Variants in NVL observed in about 807,000 individuals in gnomAD.
NVL encodes the protein nuclear valosin-containing protein-like.
Under a neutral mutation model 110.2 loss-of-function variants are expected in NVL, and 84 were observed. The ratio of observed to expected loss-of-function variants is 0.76; its 90% CI spans 0.64 to 0.91. The LOEUF (loss-of-function observed/expected upper bound fraction) is 0.91, where lower values mean the gene tolerates loss of function less well. Ranked by LOEUF, NVL falls within the 40% of genes least tolerant of loss-of-function variation. The pLI, the probability that NVL is intolerant of heterozygous loss-of-function variation, is 0.00. For synonymous variants in NVL, 354 were observed against 361.1 expected, an observed-to-expected ratio of 0.98 and a Z score of 0.22; for missense variants, 882 against 1,035.9, an observed-to-expected ratio of 0.85 and a Z score of 2.04.
chr1:224,242,487 CTTT>C (rs11385074), intron 19 of NVL, among the ~76,000 whole-genome samples: 1 of 128,314 alleles, frequency 7.8e-6, no homozygotes, highest in Non-Finnish European at 1.6e-5. Flanking sequence ...CAAATCTATT[CTTT>C]TTTTTTTTTT....
At chr1:224,285,414 G>A (rs893782024) in intron 15 of NVL, among the ~76,000 whole-genome samples, 6 of 152,054 alleles carry the variant, frequency 3.9e-5, no homozygotes, top group South Asian at 4.1e-4. Flanking sequence ...CAGCCTGGGC[G>A]ACAGAATGAG....
intron 16 of NVL, 86 bp from the exon 17 acceptor site, chr1:224,275,544 T>C: frequency 2.6e-6 from 4 of 1,534,166 alleles, no homozygotes; most frequent in Non-Finnish European, 3.6e-6. Context: ...TTATGTGACA[T>C]AAACTAGTTT....
At chr1:224,301,730 G>C (rs1668429261) in intron 9 of NVL, 1 of 312,044 alleles carries the variant, frequency 3.2e-6, no homozygotes, top group Non-Finnish European at 6.3e-6. Flanking sequence ...AGCCTGAGAA[G>C]TCAAAGCTGC....
intron 14 of NVL, among the ~76,000 whole-genome samples, chr1:224,286,469 G>A (rs908547428): frequency 1.3e-5 from 2 of 152,150 alleles, no homozygotes; most frequent in African/African-American, 2.4e-5. Context: ...GCCTCCCAAA[G>A]TGCTGGGATT....
chr1:224,254,572 G>GTTT (rs71168400), intron 18 of NVL, among the ~76,000 whole-genome samples: 2 of 134,238 alleles, frequency 1.5e-5, no homozygotes, highest in Non-Finnish European at 3.1e-5. Flanking sequence ...TGTTTTTTTT[G>GTTT]TTTTTTTTTT....
chr1:224,319,131 G>A (rs1173006817), intron 2 of NVL, among the ~76,000 whole-genome samples: 1 of 135,366 alleles, frequency 7.4e-6, no homozygotes. Flanking sequence ...CTCCAGCCTG[G>A]GGACAGAGCA....
intron 4 of NVL, among the ~76,000 whole-genome samples, chr1:224,313,578 C>T (rs545658025): frequency 5.6e-4 from 86 of 152,214 alleles, no homozygotes; most frequent in African/African-American, 2.0e-3. Context: ...ATGCAAAACC[C>T]TCTGACAACT....
chr1:224,278,610 G>A (rs1236819024), intron 16 of NVL, among the ~76,000 whole-genome samples: 4 of 152,008 alleles, frequency 2.6e-5, no homozygotes, highest in Non-Finnish European at 5.9e-5. Flanking sequence ...AAACAAATCA[G>A]ACCACAATGA....
chr1:224,285,364 G>C (rs1666760605), intron 15 of NVL, among the ~76,000 whole-genome samples: 1 of 152,200 alleles, frequency 6.6e-6, no homozygotes, highest in Non-Finnish European at 1.5e-5. Flanking sequence ...GAACTCGGGA[G>C]GCGGAAGTTG....
At chr1:224,261,952 C>T (rs539129276) in intron 18 of NVL, among the ~76,000 whole-genome samples, 1 of 151,940 alleles carries the variant, frequency 6.6e-6, no homozygotes, top group Non-Finnish European at 1.5e-5. Flanking sequence ...TAGAGTGAGA[C>T]CCTGTCTCAA....
chr1:224,254,554 G>A (rs571809362), intron 18 of NVL, among the ~76,000 whole-genome samples: 176 of 142,174 alleles, frequency 1.2e-3, no homozygotes, highest in African/African-American at 3.2e-3. Context: ...CACCATGCCC[G>A]GCTAATTTGT....
At chr1:224,279,808 T>C (rs1243927826) in intron 16 of NVL, among the ~76,000 whole-genome samples, 1 of 152,148 alleles carries the variant, frequency 6.6e-6, no homozygotes, top group Admixed American at 6.6e-5. Flanking sequence ...CAGTAAGCAC[T>C]AACATTTCCA....
At position 224,311,789 on chromosome 1, in the gene NVL, G is replaced by C. The variant is rs370555963; in HGVS notation, c.342+11C>G. On this transcript the variant is annotated intron_variant, in intron 5 of 22. Coordinates refer to ENST00000281701, the MANE Select transcript of NVL (RefSeq NM_002533.4). ...AAAAATCTAAGTGGACCCACTAAAT[G>C]TTTGGCTTACCTGTGGATCTGGGTA... 6.2e-7 allele frequency: 1 copy of C among 1,609,662 alleles called. No homozygotes were observed. The highest frequency in any genetic ancestry group is 8.5e-7 in the Non-Finnish European group (1 of 1,176,138).
chr1:224,316,006 C>A (rs978642956), intron 4 of NVL, among the ~76,000 whole-genome samples: 1 of 151,844 alleles, frequency 6.6e-6, no homozygotes, highest in Non-Finnish European at 1.5e-5. Flanking sequence ...ACCAGCCTGA[C>A]AACATAGTGA....
At chr1:224,327,255 C>T (rs2102811514) in intron 1 of NVL, among the ~76,000 whole-genome samples, 1 of 152,190 alleles carries the variant, frequency 6.6e-6, no homozygotes, top group South Asian at 2.1e-4. Context: ...CCAGCCTGGG[C>T]AAGGTGGTAA....
At chr1:224,307,632 G>C (rs527312495) in intron 6 of NVL, among the ~76,000 whole-genome samples, 2 of 141,294 alleles carry the variant, frequency 1.4e-5, no homozygotes, top group African/African-American at 5.2e-5. Context: ...CTGGAAGGCA[G>C]AGGTTGCAAT....
At chr1:224,252,348 C>A (rs1199660886) in intron 18 of NVL, among the ~76,000 whole-genome samples, 3 of 152,114 alleles carry the variant, frequency 2.0e-5, no homozygotes, top group Admixed American at 2.0e-4. Flanking sequence ...CCATTCCTGA[C>A]TCCTCCACAA....
intron 5 of NVL, 63 bp downstream of exon 5, chr1:224,311,737 G>C: frequency 7.9e-7 from 1 of 1,262,770 alleles, no homozygotes; most frequent in East Asian, 2.3e-5. Context: ...AGTTTTTCAA[G>C]GGAGGTACCA....
At chr1:224,298,300 C>T (rs1195769361) in intron 10 of NVL, 2 of 274,508 alleles carry the variant, frequency 7.3e-6, no homozygotes, top group East Asian at 1.2e-4. Flanking sequence ...AGTGTTACCA[C>T]CACAAAACTG....
Sources: gnomAD v4.1 joint callset for allele counts (sites outside exome capture counted in the v4.1 genomes callset) on GRCh38, gnomAD v4.1.1 for gene constraint, MANE v1.5 for transcripts, NCBI Gene and HGNC (gene_info 2026-07-23, HGNC 2026-07-21) for gene names.